Variants in TNFSF4 observed in about 807,000 individuals in gnomAD.
TNFSF4 encodes tumor necrosis factor ligand superfamily member 4.
TNFSF4 carries 4 observed loss-of-function variants against 7.3 expected under a neutral mutation model. The ratio of observed to expected loss-of-function variants is 0.55; its 90% CI spans 0.27 to 1.25. The LOEUF (loss-of-function observed/expected upper bound fraction) is 1.25, where lower values mean the gene tolerates loss of function less well. Ranked by LOEUF, TNFSF4 falls within the 50% of genes most tolerant of loss-of-function variation. The pLI is 0.12. For synonymous variants in TNFSF4, 76 were observed against 83.7 expected (o/e 0.91, Z 0.50); for missense variants, 181 against 208.8 (o/e 0.87, Z 0.82).
chr1:173,367,705 T>G, the TNFSF4 span, among the ~76,000 whole-genome samples: 3 of 152,170 alleles, frequency 2.0e-5, no homozygotes, highest in African/African-American at 7.2e-5. Context: ...TTTAACTTCA[T>G]GGAAAATCTG....
the TNFSF4 span, among the ~76,000 whole-genome samples, chr1:173,220,275 A>T: frequency 1.3e-5 from 2 of 152,254 alleles, no homozygotes; most frequent in Non-Finnish European, 2.9e-5. Flanking sequence ...CTTAGCAAAA[A>T]CTCAAGGAGC....
At chr1:173,420,544 T>G in the TNFSF4 span, among the ~76,000 whole-genome samples, 1 of 98,280 alleles carries the variant, frequency 1.0e-5, no homozygotes, top group Non-Finnish European at 1.9e-5. Flanking sequence ...AGTAAAGGCC[T>G]TTTTTTTTCC....
the TNFSF4 span, among the ~76,000 whole-genome samples, chr1:173,241,885 G>A: frequency 3.3e-5 from 5 of 152,196 alleles, no homozygotes; most frequent in African/African-American, 9.7e-5. Flanking sequence ...TGGCTGATAC[G>A]GGAACTGCCC....
chr1:173,264,442 G>T, the TNFSF4 span, among the ~76,000 whole-genome samples: 1 of 150,030 alleles, frequency 6.7e-6, no homozygotes, highest in Non-Finnish European at 1.5e-5. Context: ...GGTGTAAGCC[G>T]CCATGCCTGG....
chr1:173,244,670 A>C, the TNFSF4 span, among the ~76,000 whole-genome samples: 1 of 151,794 alleles, frequency 6.6e-6, no homozygotes, highest in South Asian at 2.1e-4. Flanking sequence ...AAAAAAACAA[A>C]AAAAAAACAT....
At chr1:173,382,279 A>T in the TNFSF4 span, among the ~76,000 whole-genome samples, 1 of 152,146 alleles carries the variant, frequency 6.6e-6, no homozygotes, top group East Asian at 1.9e-4. Context: ...TCACTCCTGA[A>T]ATCAAGCTAG....
chr1:173,420,709 G>T, the TNFSF4 span, among the ~76,000 whole-genome samples: 1 of 152,172 alleles, frequency 6.6e-6, no homozygotes, highest in Admixed American at 6.5e-5. Context: ...ATTTAAAGAT[G>T]ATGCCCTAGG....
chr1:173,298,926 C>T, the TNFSF4 span, among the ~76,000 whole-genome samples: 1 of 151,848 alleles, frequency 6.6e-6, no homozygotes, highest in Non-Finnish European at 1.5e-5. Context: ...ATAATTCATA[C>T]AGAAATTTAG....
the TNFSF4 span, among the ~76,000 whole-genome samples, chr1:173,292,276 T>G: frequency 6.6e-6 from 1 of 152,132 alleles, no homozygotes; most frequent in South Asian, 2.1e-4. Context: ...ATCAAAAAGT[T>G]AATTCACCAT....
chr1:173,399,443 C>G, the TNFSF4 span, among the ~76,000 whole-genome samples: 1 of 152,106 alleles, frequency 6.6e-6, no homozygotes, highest in Admixed American at 6.5e-5. Context: ...AACTCGCTGT[C>G]CACTTTGCTT....
At chr1:173,258,911 G>T in the TNFSF4 span, among the ~76,000 whole-genome samples, 1 of 152,282 alleles carries the variant, frequency 6.6e-6, no homozygotes, top group Non-Finnish European at 1.5e-5. Flanking sequence ...GGTTCATTCA[G>T]CAGTCTTAGT....
the TNFSF4 span, among the ~76,000 whole-genome samples, chr1:173,233,030 C>T: frequency 1.3e-5 from 2 of 152,078 alleles, no homozygotes; most frequent in Non-Finnish European, 1.5e-5. Context: ...CAAACTTCTC[C>T]GAGCTAAAGG....
the TNFSF4 span, among the ~76,000 whole-genome samples, chr1:173,277,051 G>A: frequency 6.6e-6 from 1 of 152,092 alleles, no homozygotes; most frequent in Non-Finnish European, 1.5e-5. Context: ...GATGTTCCAG[G>A]TGTCTGTAAG....
At chr1:173,366,886 A>G in the TNFSF4 span, among the ~76,000 whole-genome samples, 1 of 152,234 alleles carries the variant, frequency 6.6e-6, no homozygotes, top group African/African-American at 2.4e-5. Context: ...ATAACTATAT[A>G]TGCTGCCTAA....
At chr1:173,236,008 T>A in the TNFSF4 span, among the ~76,000 whole-genome samples, 1 of 152,308 alleles carries the variant, frequency 6.6e-6, no homozygotes, top group South Asian at 2.1e-4. Context: ...CTTAAAAAAA[T>A]ATATAGAATC....
At chr1:173,239,300 A>G in the TNFSF4 span, among the ~76,000 whole-genome samples, 3 of 152,154 alleles carry the variant, frequency 2.0e-5, no homozygotes, top group Non-Finnish European at 4.4e-5. Flanking sequence ...TTCAGAAGGA[A>G]GCAAATAAGC....
At chr1:173,276,762 C>CT in the TNFSF4 span, among the ~76,000 whole-genome samples, 6 of 152,122 alleles carry the variant, frequency 3.9e-5, no homozygotes, top group African/African-American at 1.4e-4. Flanking sequence ...GGCCACTGGG[C>CT]TAATCGCAGG....
the TNFSF4 span, among the ~76,000 whole-genome samples, chr1:173,421,722 C>A: frequency 6.6e-6 from 1 of 151,738 alleles, no homozygotes; most frequent in Admixed American, 6.6e-5. Context: ...CACTGATATT[C>A]ATATTTTTGT....
the TNFSF4 span, among the ~76,000 whole-genome samples, chr1:173,339,617 A>C: frequency 6.6e-6 from 1 of 152,224 alleles, no homozygotes; most frequent in East Asian, 1.9e-4. Context: ...GCAACATAAG[A>C]TATAGTAACT....
Sources: gnomAD v4.1 joint callset for allele counts (sites outside exome capture counted in the v4.1 genomes callset) on GRCh38, gnomAD v4.1.1 for gene constraint, MANE v1.5 for transcripts, NCBI Gene and HGNC (gene_info 2026-07-23, HGNC 2026-07-21) for gene names.